Variants in NOL4L observed in about 807,000 individuals in gnomAD.
NOL4L encodes nucleolar protein 4-like.
NOL4L carries 7 observed loss-of-function variants against 64.5 expected under a neutral mutation model. The observed-to-expected ratio is 0.11, with a 90% confidence interval of 0.06 to 0.20. NOL4L has a LOEUF of 0.20. Among genes scored for constraint, NOL4L ranks in the 10% least tolerant of loss-of-function variants. The probability of loss-of-function intolerance (pLI) is 1.00; values close to 1 mark genes in which losing one functional copy is unlikely to be tolerated. For missense variants in NOL4L, 680 were observed against 967.1 expected, an observed-to-expected ratio of 0.70 and a Z score of 3.94; for synonymous variants, 413 against 401.0, an observed-to-expected ratio of 1.03 and a Z score of -0.36.
At chr20:32,573,107 C>T (rs6119902) in intron 1 of NOL4L, among the ~76,000 whole-genome samples, 4,268 of 151,596 alleles carry the variant, frequency 0.028, 202 homozygotes, top group African/African-American at 0.098. Flanking sequence ...GGCACAACCA[C>T]GGCTCACTGC....
At chr20:32,583,584 C>CGCACTAAT (rs1406211044) in intron 1 of NOL4L, among the ~76,000 whole-genome samples, 2 of 149,360 alleles carry the variant, frequency 1.3e-5, no homozygotes, top group African/African-American at 4.9e-5. Context: ...GGGGGCGGAA[C>CGCACTAAT]GCACTAATGG....
intron 1 of NOL4L, among the ~76,000 whole-genome samples, chr20:32,580,218 G>A (rs1274252877): frequency 6.6e-6 from 1 of 152,170 alleles, no homozygotes; most frequent in Middle Eastern, 3.2e-3. Flanking sequence ...AGTAATCACA[G>A]CACTGGCCTC....
chr20:32,516,551 C>T (rs377688746), intron 3 of NOL4L, among the ~76,000 whole-genome samples: 2 of 152,166 alleles, frequency 1.3e-5, no homozygotes, highest in Non-Finnish European at 1.5e-5. Flanking sequence ...AACTATTGCT[C>T]AGCTGACAGC....
At chr20:32,487,369 G>C (rs894810039) in intron 4 of NOL4L, among the ~76,000 whole-genome samples, 30 of 151,100 alleles carry the variant, frequency 2.0e-4, no homozygotes, top group African/African-American at 6.8e-4. Flanking sequence ...GTGGGGGAGA[G>C]GCAGAGGATG....
intron 4 of NOL4L, among the ~76,000 whole-genome samples, chr20:32,509,517 C>CAAAAAAAA (rs71338441): frequency 8.0e-5 from 5 of 62,820 alleles, no homozygotes; most frequent in African/African-American, 1.0e-4. Flanking sequence ...GACTCTGCCT[C>CAAAAAAAA]AAAAAAAAAA....
Position 32,527,624 on chromosome 20 carries a change from C to A in NOL4L, c.477+134G>T, listed in dbSNP as rs183323060. On this transcript the variant is annotated intron_variant, in intron 2 of 10. Coordinates refer to ENST00000621426, the MANE Select transcript of NOL4L (RefSeq NM_001256798.2). ...GGCTGCCGTGCCCTTGCCCTGTGCC[C>A]CCCTAGATCCCCAAAGGCCGTTTCA... 5.6e-5 allele frequency: 59 copies of A among 1,055,752 alleles called. No individual in the cohort carries two copies. In the Admixed American group the frequency reaches 1.1e-3, roughly 20 times the overall value. The allele number at this position is 1,055,752 out of a possible 1,614,324, so 65.4% of individuals were successfully genotyped here. A position where few individuals can be genotyped will look rare whatever the true frequency, so the allele number is the denominator to read the frequency against.
rs74993359 is a variant in NOL4L at position 32,539,180 on chromosome 20, C to A, written c.322-11267G>T. ...GCTTTCTCTGCCTGCTCCAGCAAAG[C>A]ACTGGGCACACCCTGTCACGTGGTT... On this transcript the variant is annotated intron_variant, in intron 1 of 10. Coordinates refer to ENST00000621426, the MANE Select transcript of NOL4L (RefSeq NM_001256798.2). Among the ~76,000 whole-genome samples, 381 of 152,318 alleles carry A rather than the reference C, an allele frequency of 2.5e-3. 4 individuals carry two copies. The highest frequency in any genetic ancestry group is 8.8e-3 in the African/African-American group (364 of 41,584).
intron 1 of NOL4L, among the ~76,000 whole-genome samples, chr20:32,560,189 G>T (rs1192030010): frequency 6.6e-6 from 1 of 152,258 alleles, no homozygotes; most frequent in East Asian, 1.9e-4. Context: ...CAGGCACCCA[G>T]TGGGCACCAA....
At chr20:32,553,577 T>C (rs1211129625) in intron 1 of NOL4L, among the ~76,000 whole-genome samples, 2 of 152,182 alleles carry the variant, frequency 1.3e-5, no homozygotes, top group African/African-American at 4.8e-5. Context: ...TATTTTTCTA[T>C]ATATTTAACA....
At chr20:32,577,440 T>C (rs1260896044) in intron 1 of NOL4L, among the ~76,000 whole-genome samples, 1 of 152,142 alleles carries the variant, frequency 6.6e-6, no homozygotes, top group African/African-American at 2.4e-5. Context: ...CTGTATGTCA[T>C]AACTAAACAT....
chr20:32,465,555 C>T (rs983978002), intron 5 of NOL4L, among the ~76,000 whole-genome samples: 34 of 152,328 alleles, frequency 2.2e-4, no homozygotes, highest in African/African-American at 6.5e-4. Context: ...CAAGCACAGG[C>T]GGTGAGAAAT....
At chr20:32,514,045 G>C (rs745578071) in intron 3 of NOL4L, among the ~76,000 whole-genome samples, 1 of 152,220 alleles carries the variant, frequency 6.6e-6, no homozygotes, top group African/African-American at 2.4e-5. Flanking sequence ...GGGGCCTAGA[G>C]GATGGGGGTC....
At chr20:32,527,166 A>G (rs1348842178) in intron 2 of NOL4L, among the ~76,000 whole-genome samples, 1 of 152,054 alleles carries the variant, frequency 6.6e-6, no homozygotes, top group African/African-American at 2.4e-5. Flanking sequence ...GCTCTCTCAA[A>G]GCGAGCCTTG....
intron 1 of NOL4L, among the ~76,000 whole-genome samples, chr20:32,532,568 G>C (rs1212079290): frequency 6.6e-6 from 1 of 152,178 alleles, no homozygotes; most frequent in East Asian, 1.9e-4. Flanking sequence ...TGCTGCAAGG[G>C]AAGAGCTGCT....
At chr20:32,501,667 C>G (rs1158014024) in intron 4 of NOL4L, among the ~76,000 whole-genome samples, 2 of 151,248 alleles carry the variant, frequency 1.3e-5, no homozygotes, top group Non-Finnish European at 2.9e-5. Context: ...AAACTGTTCT[C>G]AAAAATAGTC....
At position 32,488,784 on chromosome 20, in the gene NOL4L, TTCC is replaced by T. The variant is rs1250920904; in HGVS notation, c.700-14045_700-14043del. 3.1e-4 allele frequency among the ~76,000 whole-genome samples: 14 copies of T among 45,860 alleles called. 1 individual carries two copies. Among genetic ancestry groups the T allele is most frequent in the African/African-American group, 2.1e-3 (10 of 4,660 alleles). 30.1% of individuals were successfully genotyped at this position (45,860 alleles called of 152,430 possible). On this transcript the variant is annotated intron_variant, in intron 4 of 10. Coordinates refer to ENST00000621426, the MANE Select transcript of NOL4L (RefSeq NM_001256798.2). ...CTTCCTTCCTTCCTTCCTTCCTTCC[TTCC>T]TTCCTTTCTTTCTTTCTTTTTCTTT...
intron 10 of NOL4L, chr20:32,450,300 G>A (rs1018810380): frequency 6.6e-6 from 1 of 152,436 alleles, no homozygotes. Flanking sequence ...CAGTGGGGCT[G>A]GGTGGCCCTG....
At chr20:32,497,009 A>G (rs1211352511) in intron 4 of NOL4L, among the ~76,000 whole-genome samples, 3 of 150,366 alleles carry the variant, frequency 2.0e-5, no homozygotes, top group African/African-American at 7.4e-5. Flanking sequence ...GAGCAAAACA[A>G]AGCAGACAGC....
chr20:32,537,314 G>A (rs1285993753), intron 1 of NOL4L, among the ~76,000 whole-genome samples: 1 of 152,100 alleles, frequency 6.6e-6, no homozygotes, highest in Non-Finnish European at 1.5e-5. Context: ...AAGATACTGC[G>A]CCTCCCACCG....
Sources: gnomAD v4.1 joint callset for allele counts (sites outside exome capture counted in the v4.1 genomes callset) on GRCh38, gnomAD v4.1.1 for gene constraint, MANE v1.5 for transcripts, NCBI Gene and HGNC (gene_info 2026-07-23, HGNC 2026-07-21) for gene names.